MARCHF1: variants seen among roughly 807,000 people sequenced by gnomAD.
MARCHF1 encodes E3 ubiquitin-protein ligase MARCHF1.
A neutral mutation model predicts 54.2 loss-of-function variants in MARCHF1; 40 were observed. The ratio of observed to expected loss-of-function variants is 0.74; its 90% confidence interval spans 0.57 to 0.96. The LOEUF (loss-of-function observed/expected upper bound fraction) is 0.96, where lower values mean the gene tolerates loss of function less well. MARCHF1 is among the 40% of genes least tolerant of loss of function. The probability of loss-of-function intolerance (pLI) is 0.00; values close to 1 mark genes in which losing one functional copy is unlikely to be tolerated. For synonymous variants in MARCHF1, 236 were observed against 236.3 expected, an observed-to-expected ratio of 1.00 and a Z score of 0.01; for missense variants, 586 against 656.5, an observed-to-expected ratio of 0.89 and a Z score of 1.17.
intron 2 of MARCHF1, among the ~76,000 whole-genome samples, chr4:164,086,392 A>G (rs1362835736): frequency 2.0e-5 from 3 of 151,982 alleles, no homozygotes; most frequent in Non-Finnish European, 4.4e-5. Context: ...CATTTATTTA[A>G]TGATATATAA....
chr4:163,733,723 A>C (rs976873277), intron 4 of MARCHF1, among the ~76,000 whole-genome samples: 5 of 152,280 alleles, frequency 3.3e-5, no homozygotes, highest in Admixed American at 6.5e-5. Flanking sequence ...CTTCTAAAAG[A>C]AAACATAGAA....
intron 1 of MARCHF1, among the ~76,000 whole-genome samples, chr4:164,323,104 C>T (rs1735184821): frequency 6.6e-6 from 1 of 151,784 alleles, no homozygotes; most frequent in African/African-American, 2.4e-5. Flanking sequence ...TTATGGAACA[C>T]CAACAAAAAT....
chr4:163,545,519 G>C lies in MARCHF1; in HGVS notation c.1339+77C>G, dbSNP rs1202338203. ...ATCATACATGATGAAGGCCTAACCT[G>C]GGGAAATAACTTCCCTATCCACCTC... On this transcript the variant is annotated intron_variant, in intron 9 of 9. Coordinates refer to ENST00000514618, the MANE Select transcript of MARCHF1 (RefSeq NM_001394959.1). 7.7e-6 allele frequency: 11 copies of C among 1,428,228 alleles called. No homozygotes were observed. In the East Asian group the frequency reaches 2.5e-4, roughly 33 times the overall value. 88.5% of individuals were successfully genotyped at this position (1,428,228 alleles called of 1,614,324 possible). A position where few individuals can be genotyped will look rare whatever the true frequency, so the allele number is the denominator to read the frequency against.
intron 5 of MARCHF1, among the ~76,000 whole-genome samples, chr4:163,637,131 A>G (rs1200193497): frequency 6.6e-6 from 1 of 151,776 alleles, no homozygotes; most frequent in Non-Finnish European, 1.5e-5. Flanking sequence ...TAGACCTAAA[A>G]CCATAAAAAC....
At chr4:164,235,612 T>C (rs1325899755) in intron 1 of MARCHF1, among the ~76,000 whole-genome samples, 1 of 152,146 alleles carries the variant, frequency 6.6e-6, no homozygotes, top group Non-Finnish European at 1.5e-5. Flanking sequence ...GAGACCATTA[T>C]TCTAAGTGAA....
intron 4 of MARCHF1, among the ~76,000 whole-genome samples, chr4:163,781,267 C>T (rs1156572780): frequency 6.6e-6 from 1 of 152,152 alleles, no homozygotes; most frequent in East Asian, 1.9e-4. Context: ...AGGAGAATTG[C>T]TTGAACCTGG....
At position 163,602,996 on chromosome 4, in the gene MARCHF1, G is replaced by A. The variant is rs80356360; in HGVS notation, c.1010+9275C>T. 5.7e-3 allele frequency among the ~76,000 whole-genome samples: 860 copies of A among 152,092 alleles called. 8 individuals are homozygous for A. The highest frequency in any genetic ancestry group is 0.02 in the African/African-American group (821 of 41,502). On this transcript the variant is annotated intron_variant, in intron 7 of 9. Coordinates refer to ENST00000514618, the MANE Select transcript of MARCHF1 (RefSeq NM_001394959.1). ...AATTAGAGACTCTGAAAAGAATGAG[G>A]CTGCCCCAGGAAATACTATGTTCAA...
chr4:164,158,368 G>A (rs1367696496), intron 1 of MARCHF1, among the ~76,000 whole-genome samples: 2 of 152,118 alleles, frequency 1.3e-5, no homozygotes, highest in East Asian at 1.9e-4. Flanking sequence ...AAGGTCAGGT[G>A]TGGTGGCTCA....
In MARCHF1 at chr4:163,634,386, A is replaced by C. The variant is rs1008134250; in HGVS notation, c.163-20993T>G. ...GCAGAGACACACATAGGCTCAAAAT[A>C]AAAGGATGGAGGAAGATCTACCAAG... On this transcript the variant is annotated intron_variant, in intron 5 of 9. Transcript: ENST00000514618. Among the ~76,000 whole-genome samples, 58 of 148,126 alleles carry C rather than the reference A, an allele frequency of 3.9e-4. No homozygotes were observed. In the Middle Eastern group the frequency reaches 0.01, roughly 26 times the overall value.
intron 8 of MARCHF1, among the ~76,000 whole-genome samples, chr4:163,557,105 A>G (rs1739319107): frequency 6.6e-6 from 1 of 152,168 alleles, no homozygotes; most frequent in South Asian, 2.1e-4. Context: ...GGAGGTATAC[A>G]TAATCTCCAC....
At chr4:164,100,779 C>G (rs372397969) in intron 2 of MARCHF1, among the ~76,000 whole-genome samples, 5 of 152,202 alleles carry the variant, frequency 3.3e-5, no homozygotes, top group African/African-American at 9.7e-5. Flanking sequence ...CGAATAGGAA[C>G]AGCTCCGGTC....
chr4:163,614,409 A>G (rs760022591), intron 5 of MARCHF1, among the ~76,000 whole-genome samples: 18 of 152,226 alleles, frequency 1.2e-4, no homozygotes, highest in Non-Finnish European at 2.4e-4. Context: ...TGAGATCTGG[A>G]CCAGGTATCT....
chr4:164,247,605 A>C (rs538480969), intron 1 of MARCHF1, among the ~76,000 whole-genome samples: 2 of 45,294 alleles, frequency 4.4e-5, no homozygotes, highest in African/African-American at 1.1e-4. Flanking sequence ...CTTAAAGTAT[A>C]ATAATAAAAA....
At chr4:164,068,671 C>A (rs556449068) in intron 2 of MARCHF1, among the ~76,000 whole-genome samples, 1 of 152,136 alleles carries the variant, frequency 6.6e-6, no homozygotes, top group Non-Finnish European at 1.5e-5. Context: ...ACTGAGCCTC[C>A]CTGACGAGTG....
intron 1 of MARCHF1, among the ~76,000 whole-genome samples, chr4:164,150,249 C>A (rs1163530798): frequency 1.3e-5 from 2 of 152,072 alleles, no homozygotes; most frequent in Non-Finnish European, 2.9e-5. Context: ...TAATTTGTTA[C>A]AAACTTTATT....
chr4:163,723,847 G>T (rs1745561896), intron 4 of MARCHF1, among the ~76,000 whole-genome samples: 1 of 152,302 alleles, frequency 6.6e-6, no homozygotes, highest in African/African-American at 2.4e-5. Context: ...TTGTCACGTA[G>T]TTCTTGTGCC....
chr4:164,167,636 C>A (rs1389969123), intron 1 of MARCHF1, among the ~76,000 whole-genome samples: 5 of 151,666 alleles, frequency 3.3e-5, no homozygotes, highest in African/African-American at 1.2e-4. Flanking sequence ...CATATAAGGG[C>A]AATTAATTTT....
chr4:163,755,358 A>G (rs994942504), intron 4 of MARCHF1, among the ~76,000 whole-genome samples: 1 of 152,180 alleles, frequency 6.6e-6, no homozygotes, highest in Non-Finnish European at 1.5e-5. Context: ...AGTACACCAC[A>G]TCATGAGGCT....
chr4:164,203,107 G>A (rs7688298), intron 1 of MARCHF1, among the ~76,000 whole-genome samples: 3,785 of 152,180 alleles, frequency 0.025, 94 homozygotes, highest in East Asian at 0.12. Context: ...CTGGATTTCA[G>A]TGCCTAGAAT....
Sources: allele counts gnomAD v4.1 joint callset (sites outside exome capture counted in the v4.1 genomes callset), GRCh38; gene constraint gnomAD v4.1.1; transcripts MANE v1.5; gene names NCBI Gene and HGNC (gene_info 2026-07-23, HGNC 2026-07-21).